Variants in ABCA3 observed in about 807,000 individuals in gnomAD.
ABCA3 encodes the protein ATP binding cassette subfamily A member 3.
A neutral mutation model predicts 172.8 loss-of-function variants in ABCA3; 88 were observed. The observed-to-expected ratio is 0.51, with a 90% CI of 0.43 to 0.61. ABCA3 has a LOEUF of 0.61. Among genes scored for constraint, ABCA3 ranks in the 20% least tolerant of loss-of-function variants. ABCA3 has a pLI of 0.00. For missense variants in ABCA3, 2,164 were observed against 2,301.0 expected (o/e 0.94, Z 1.22); for synonymous variants, 1,066 against 983.8 (o/e 1.08, Z -1.56).
In ABCA3 at chr16:2,279,116, G is replaced by A. The variant is rs776186978; in HGVS notation, c.4374C>T (p.Ile1458=). The A allele has an allele frequency of 9.9e-6, 16 of 1,611,630 alleles. No individual in the cohort carries two copies. Among genetic ancestry groups the A allele is most frequent in the South Asian group, 2.2e-5 (2 of 91,026 alleles). The change falls in exon 29 of 33, where the codon ATC becomes ATT. Residue 1458 remains isoleucine (I), a synonymous_variant. Coordinates refer to ENST00000301732, the MANE Select transcript of ABCA3 (RefSeq NM_001089.3). This position sits in a 1 kb window ranked among gnomAD's most constrained non-coding sequence, Gnocchi z 4.4. ...AGGCATCAAACTGCGGGCAGTAGCC[G>A]ATCCGCTGCCGCACCTGGGGTCGGA... The part of the protein sequence containing the change: ...SSDVGKVRQR[I]GYCPQFDALL...
rs1050906115 is a variant in ABCA3, at chr16:2,318,519, C to CT, written c.874-756dup. 8.9e-4 allele frequency among the ~76,000 whole-genome samples: 129 copies of CT among 144,720 alleles called. 1 individual carries two copies. The highest frequency in any genetic ancestry group is 7.2e-3 in the Middle Eastern group (2 of 278). The allele number at this position is 144,720 out of a possible 152,430, so 94.9% of individuals were successfully genotyped here. ...TCTTTTTCTTTCTTTTTCTCTTTTTCTTTTTTTTTTTTAGATGGAGTCTTG... is the reference window on the plus strand; with the variant it reads ...TCTTTTTCTTTCTTTTTCTCTTTTTCTTTTTTTTTTTTTAGATGGAGTCTTG... On this transcript the variant is annotated intron_variant, in intron 8 of 32. Transcript: ENST00000301732.
At position 2,278,658 on chromosome 16, in the gene ABCA3, G is replaced by A. The variant is rs1448294104; in HGVS notation, c.4548-200C>T. On this transcript the variant is annotated intron_variant, in intron 29 of 32. Coordinates refer to ENST00000301732, the MANE Select transcript of ABCA3 (RefSeq NM_001089.3). This position sits in a 1 kb window ranked among gnomAD's most constrained non-coding sequence, Gnocchi z 4.4. ...GGCCCCAGAGAAGGCTGTTCCCAGG[G>A]GCCCGGTGCACGCACCTACATGGGA... 2.0e-5 allele frequency among the ~76,000 whole-genome samples: 3 copies of A among 152,296 alleles called. No individual in the cohort carries two copies. Among genetic ancestry groups the A allele is most frequent in the East Asian group, 3.9e-4 (2 of 5,182 alleles).
In ABCA3 at chr16:2,326,178, C is replaced by T; in HGVS notation, c.151G>A (p.Val51Met). 1.2e-6 allele frequency: 2 copies of T among 1,614,162 alleles called. No homozygotes were observed. The highest frequency in any genetic ancestry group is 1.7e-6 in the Non-Finnish European group (2 of 1,180,036). The change falls in exon 5 of 33, where the codon GTG becomes ATG. Residue 51 changes from valine (V) to methionine (M), a missense_variant. Around this residue, in one of 3 missense-constraint regions of ABCA3, gnomAD observed 1,343 missense variants for 1,369.6 expected, o/e 0.98. Coordinates refer to ENST00000301732, the MANE Select transcript of ABCA3 (RefSeq NM_001089.3). ...WLRLKIQSEN[V>M]PNATIYPGQS... ...CCCGGGTAGATGGTGGCGTTGGGCA[C>T]ATTTTCCGACTGAATCTTCAAGCGG...
intron 12 of ABCA3, among the ~76,000 whole-genome samples, chr16:2,302,005 G>A (rs1354340542): frequency 6.6e-6 from 1 of 152,252 alleles, no homozygotes; most frequent in East Asian, 1.9e-4. Context: ...TTCTTAAGCC[G>A]CAAACAAAAG....
rs1228360241 is a variant in ABCA3, at chr16:2,297,986, G to A, written c.1897-65C>T. 1 of 1,587,210 alleles carries A rather than the reference G, an allele frequency of 6.3e-7. No homozygotes were observed. Among genetic ancestry groups the A allele is most frequent in the East Asian group, 2.3e-5 (1 of 44,408 alleles). On this transcript the variant is annotated intron_variant, in intron 15 of 32. Coordinates refer to ENST00000301732, the MANE Select transcript of ABCA3 (RefSeq NM_001089.3). The surrounding 1 kb of genome is among the most constrained non-coding windows in gnomAD (Gnocchi z 5.6). Reference sequence around the variant, plus strand: ...GCGGGAGGCCGACCCTGGCCAGCGAGGTTCTGGTGAGAGGAACCTCTCCTT... The same window carrying A: ...GCGGGAGGCCGACCCTGGCCAGCGAAGTTCTGGTGAGAGGAACCTCTCCTT...
chr16:2,280,939 G>A, intron 28 of ABCA3, 88 bp downstream of exon 28: 1 of 1,545,078 alleles, frequency 6.5e-7, no homozygotes, highest in Non-Finnish European at 8.9e-7. Context: ...CAGCTGTTTG[G>A]GGACAGCATC....
At chr16:2,331,202 G>A (rs1567356673) in intron 1 of ABCA3, among the ~76,000 whole-genome samples, 1 of 151,868 alleles carries the variant, frequency 6.6e-6, no homozygotes, top group Admixed American at 6.6e-5. Flanking sequence ...CTTAATAGAA[G>A]TTTTCTTTTC....
At chr16:2,299,611 C>G in intron 13 of ABCA3, 79 bp from the exon 14 acceptor site, 2 of 1,598,512 alleles carry the variant, frequency 1.3e-6, no homozygotes, top group Non-Finnish European at 1.7e-6. Flanking sequence ...CTCCCCTGCC[C>G]GACCGTCTCA....
rs1434643100 is a variant in ABCA3, at chr16:2,297,793, G to A, written c.2025C>T (p.Ile675=). The change falls in exon 16 of 33, where the codon ATC becomes ATT. Residue 675 remains isoleucine (I), a synonymous_variant. Transcript: ENST00000301732. This position sits in a 1 kb window ranked among gnomAD's most constrained non-coding sequence, Gnocchi z 5.6. ...TGGAGCCTGCGATGAGGGCGATGCC[G>A]ATGGAGAGCTTGCGCCTCATGCCCC... is the stretch of plus-strand genomic sequence containing the variant. The part of the protein sequence containing the change: ...LSGGMRRKLS[I]GIALIAGSKV... 5.6e-6 allele frequency: 9 copies of A among 1,613,022 alleles called. No homozygotes were observed. Among genetic ancestry groups the A allele is most frequent in the African/African-American group, 1.3e-5 (1 of 74,932 alleles).
chr16:2,299,611 C>T (rs1233459571), intron 13 of ABCA3, 79 bp from the exon 14 acceptor site: 19 of 1,598,394 alleles, frequency 1.2e-5, no homozygotes, highest in Middle Eastern at 1.6e-4. Flanking sequence ...CTCCCCTGCC[C>T]GACCGTCTCA....
chr16:2,322,149 G>A (rs193252811), intron 7 of ABCA3, among the ~76,000 whole-genome samples: 2 of 151,658 alleles, frequency 1.3e-5, no homozygotes, highest in Admixed American at 1.3e-4. Context: ...AGTGAGCCGA[G>A]GTCGCGCCAC....
intron 10 of ABCA3, among the ~76,000 whole-genome samples, chr16:2,309,845 C>T (rs1212801250): frequency 6.6e-6 from 1 of 152,096 alleles, no homozygotes. Context: ...GTCTAAAGCT[C>T]CTAGGCTCAA....
chr16:2,317,814 G>C, intron 8 of ABCA3, 50 bp from the exon 9 acceptor site: 1 of 1,557,942 alleles, frequency 6.4e-7, no homozygotes. Context: ...TGCCCGCCAT[G>C]ATGGCATGTG....
At chr16:2,321,302 C>T (rs2093725687) in intron 7 of ABCA3, among the ~76,000 whole-genome samples, 2 of 152,180 alleles carry the variant, frequency 1.3e-5, no homozygotes, top group African/African-American at 4.8e-5. Context: ...ACACACCCCA[C>T]ACCAGGTCTT....
rs1188668177 is a variant in ABCA3 at position 2,288,125 on chromosome 16, G to A, written c.2905C>T (p.Pro969Ser). The A allele has an allele frequency of 6.2e-7, 1 of 1,613,208 alleles. No homozygotes were observed. Among genetic ancestry groups the A allele is most frequent in the Non-Finnish European group, 8.5e-7 (1 of 1,179,726 alleles). ...TGGGAGGTCCCGGGAACTGAGAAGG[G>A]CACGACGGTTCTGCCGTACTCGCCC... ...TLGEYGRTVV[P>S]FSVPGTSQLG... The change falls in exon 21 of 33, where the codon CCC becomes TCC. Residue 969 changes from proline to serine, a missense_variant. This residue lies in a region of ABCA3 where 1,343 missense variants were observed against 1,369.6 expected (regional missense o/e 0.98). Coordinates refer to ENST00000301732, the MANE Select transcript of ABCA3 (RefSeq NM_001089.3).
chr16:2,304,985 TG>T (rs2093695357), intron 11 of ABCA3, among the ~76,000 whole-genome samples: 1 of 152,008 alleles, frequency 6.6e-6, no homozygotes, highest in South Asian at 2.1e-4. Flanking sequence ...CTAATTTTTT[TG>T]TATTTTAGTA....
At chr16:2,324,593 C>A (rs1464012482) in intron 5 of ABCA3, 62 bp from the exon 6 acceptor site, 4 of 1,598,942 alleles carry the variant, frequency 2.5e-6, no homozygotes, top group Non-Finnish European at 3.4e-6. Context: ...GAAAAATCTG[C>A]GTGGTTCAGG....
intron 19 of ABCA3, 146 bp from the exon 20 acceptor site, chr16:2,289,766 A>G: frequency 1.2e-6 from 1 of 840,270 alleles, no homozygotes; most frequent in Non-Finnish European, 1.8e-6. Flanking sequence ...CTCACTCATC[A>G]GTGTCTCCGG....
intron 10 of ABCA3, 131 bp downstream of exon 10, chr16:2,317,152 C>A: frequency 7.3e-7 from 1 of 1,369,750 alleles, no homozygotes; most frequent in Non-Finnish European, 1.0e-6. Flanking sequence ...GTCCAACCTT[C>A]CCCTGGTCAG....
Sources: gnomAD v4.1 joint callset for allele counts (sites outside exome capture counted in the v4.1 genomes callset) on GRCh38, gnomAD v4.1.1 for gene constraint, gnomAD v4.1.1 regional missense constraint, Gnocchi (gnomAD v3.1) non-coding constraint, MANE v1.5 for transcripts, NCBI Gene and HGNC (gene_info 2026-07-23, HGNC 2026-07-21) for gene names.